NELL1: variants seen among roughly 807,000 people sequenced by gnomAD.
The protein encoded by NELL1 is protein kinase C-binding protein NELL1.
In NELL1, 76 loss-of-function variants were observed where a neutral mutation model predicts 107.4. The observed-to-expected ratio is 0.71, with a 90% CI of 0.59 to 0.86. The LOEUF is 0.86. Ranked by LOEUF, NELL1 falls within the 40% of genes least tolerant of loss-of-function variation. The pLI, the probability that NELL1 is intolerant of heterozygous loss-of-function variation, is 0.00. For missense variants in NELL1, 1,024 were observed against 1,005.5 expected (o/e 1.02, Z -0.25); for synonymous variants, 353 against 341.2 (o/e 1.03, Z -0.38).
chr11:20,716,666 G>T (rs952146544), intron 2 of NELL1, among the ~76,000 whole-genome samples: 3 of 152,194 alleles, frequency 2.0e-5, no homozygotes, highest in Non-Finnish European at 4.4e-5. Context: ...TGAAGCCTTT[G>T]GGGACAGACT....
chr11:21,122,770 G>A (rs564756173), intron 13 of NELL1, among the ~76,000 whole-genome samples: 4 of 152,070 alleles, frequency 2.6e-5, no homozygotes, highest in African/African-American at 4.8e-5. Flanking sequence ...GTGACACAGC[G>A]TACGTATATC....
At chr11:21,534,267 A>C (rs1856072234) in intron 15 of NELL1, 107 bp from the exon 16 acceptor site, 2 of 1,282,308 alleles carry the variant, frequency 1.6e-6, no homozygotes, top group African/African-American at 2.9e-5. Flanking sequence ...AGGTGACTAA[A>C]CAGTTTTAAT....
At chr11:21,280,861 A>G (rs561692381) in intron 14 of NELL1, among the ~76,000 whole-genome samples, 1 of 152,316 alleles carries the variant, frequency 6.6e-6, no homozygotes, top group South Asian at 2.1e-4. Flanking sequence ...TCCAAAGCCT[A>G]GGCTCTAAAC....
chr11:21,098,537 A>AGCTGGCTCTGT (rs1854712363), intron 12 of NELL1, among the ~76,000 whole-genome samples: 2 of 152,114 alleles, frequency 1.3e-5, no homozygotes, highest in Non-Finnish European at 2.9e-5. Context: ...GAAAACACCT[A>AGCTGGCTCTGT]CCTGGCTCTG....
chr11:20,758,196 C>T (rs928759712), intron 2 of NELL1, among the ~76,000 whole-genome samples: 3 of 152,140 alleles, frequency 2.0e-5, no homozygotes, highest in Admixed American at 6.5e-5. Flanking sequence ...TCCTAAAATT[C>T]AAAACATCCC....
intron 2 of NELL1, among the ~76,000 whole-genome samples, chr11:20,756,246 G>A (rs1232173092): frequency 6.6e-6 from 1 of 152,140 alleles, no homozygotes; most frequent in Non-Finnish European, 1.5e-5. Flanking sequence ...TCTATCTTAG[G>A]CCACCTGAAT....
intron 13 of NELL1, among the ~76,000 whole-genome samples, chr11:21,193,704 G>T (rs1489420183): frequency 6.6e-6 from 1 of 151,882 alleles, no homozygotes; most frequent in Non-Finnish European, 1.5e-5. Flanking sequence ...AAATTTCACA[G>T]ATAAGTCATT....
In NELL1 at chr11:20,927,403, T is replaced by G. The variant is rs552781041; in HGVS notation, c.855T>G (p.Ser285=). The G allele has an allele frequency of 1.9e-5, 30 of 1,612,696 alleles. No homozygotes were observed. The South Asian group carries it at 1.9e-4, about 10-fold the overall frequency. ...GACTGCTCTATCGAGATCAAGACTCTTGGGTAGATGGTGACCATTGCAGGA... is the reference window on the plus strand; with the variant it reads ...GACTGCTCTATCGAGATCAAGACTCGTGGGTAGATGGTGACCATTGCAGGA... ...VSGLLYRDQD[S]WVDGDHCRNC... The change falls in exon 8 of 20, where the codon TCT becomes TCG. Residue 285 remains serine, a synonymous_variant. Coordinates refer to ENST00000357134, the MANE Select transcript of NELL1 (RefSeq NM_006157.5).
At chr11:20,791,404 A>T (rs1039571152) in intron 3 of NELL1, among the ~76,000 whole-genome samples, 3 of 152,148 alleles carry the variant, frequency 2.0e-5, no homozygotes, top group African/African-American at 7.2e-5. Flanking sequence ...AAGGAAATTA[A>T]TTTTTGCCTA....
At chr11:21,552,500 GA>G (rs113448041) in intron 16 of NELL1, among the ~76,000 whole-genome samples, 25,006 of 150,928 alleles carry the variant, frequency 0.17, 2,334 homozygotes, top group African/African-American at 0.24. Context: ...AAGAAACACA[GA>G]AAAAAAAGAC....
chr11:20,895,802 G>A (rs1175266747), intron 5 of NELL1, among the ~76,000 whole-genome samples: 1 of 151,998 alleles, frequency 6.6e-6, no homozygotes. Flanking sequence ...CACTGCGCCT[G>A]GCCAGATACT....
intron 14 of NELL1, among the ~76,000 whole-genome samples, chr11:21,337,183 G>A (rs1386333707): frequency 6.6e-6 from 1 of 151,972 alleles, no homozygotes; most frequent in African/African-American, 2.4e-5. Flanking sequence ...AAAATGGAGG[G>A]GCCTGGGGTG....
At chr11:21,124,802 T>C (rs936020264) in intron 13 of NELL1, among the ~76,000 whole-genome samples, 6 of 151,882 alleles carry the variant, frequency 4.0e-5, no homozygotes, top group Non-Finnish European at 1.5e-5. Flanking sequence ...GGTTTCTCCA[T>C]ATTGGTCAGG....
At chr11:21,415,154 A>G (rs778742025) in intron 15 of NELL1, among the ~76,000 whole-genome samples, 2 of 151,948 alleles carry the variant, frequency 1.3e-5, no homozygotes, top group African/African-American at 2.4e-5. Context: ...TGTCTGAGAA[A>G]CTCTTATCTC....
chr11:21,186,443 T>G (rs1341519102), intron 13 of NELL1, among the ~76,000 whole-genome samples: 2 of 151,878 alleles, frequency 1.3e-5, no homozygotes, highest in Admixed American at 6.5e-5. Flanking sequence ...GTTCTCAGTC[T>G]TTATATTGGT....
intron 5 of NELL1, among the ~76,000 whole-genome samples, chr11:20,917,074 C>T (rs1159438192): frequency 4.6e-5 from 7 of 151,970 alleles, no homozygotes; most frequent in Non-Finnish European, 8.8e-5. Context: ...TGAGTAATCT[C>T]ATCCCAGAGA....
intron 12 of NELL1, among the ~76,000 whole-genome samples, chr11:20,963,144 A>G (rs1002873288): frequency 2.6e-5 from 4 of 152,156 alleles, no homozygotes; most frequent in African/African-American, 4.8e-5. Flanking sequence ...GTACCCTCAC[A>G]GCAGCATCCT....
chr11:21,196,665 C>T (rs542680055), intron 13 of NELL1, among the ~76,000 whole-genome samples: 2 of 151,856 alleles, frequency 1.3e-5, no homozygotes, highest in South Asian at 4.1e-4. Flanking sequence ...CTGATCACTA[C>T]CCTTAATTAC....
intron 12 of NELL1, among the ~76,000 whole-genome samples, chr11:21,083,195 G>T (rs1478334513): frequency 6.6e-6 from 1 of 152,096 alleles, no homozygotes; most frequent in Admixed American, 6.6e-5. Context: ...AATATCAAAG[G>T]TGTCAACCAC....
Sources: allele counts gnomAD v4.1 joint callset (sites outside exome capture counted in the v4.1 genomes callset), GRCh38; gene constraint gnomAD v4.1.1; transcripts MANE v1.5; gene names NCBI Gene and HGNC (gene_info 2026-07-23, HGNC 2026-07-21).